Variants in WIPF2 observed in about 807,000 individuals in gnomAD.
WIPF2 encodes the protein WAS/WASL-interacting protein family member 2.
Under a neutral mutation model 38.8 loss-of-function variants are expected in WIPF2, and 23 were observed. That is an observed-to-expected ratio of 0.59 (90% CI 0.43 to 0.84). The LOEUF (loss-of-function observed/expected upper bound fraction) is 0.84, where lower values mean the gene tolerates loss of function less well. WIPF2 is among the 40% of genes least tolerant of loss of function. The pLI, the probability that WIPF2 is intolerant of heterozygous loss-of-function variation, is 0.00. For synonymous variants in WIPF2, 210 were observed against 223.2 expected, an observed-to-expected ratio of 0.94 and a Z score of 0.53; for missense variants, 574 against 580.5, an observed-to-expected ratio of 0.99 and a Z score of 0.11.
At chr17:40,227,627 C>T (rs1006145130) in intron 1 of WIPF2, among the ~76,000 whole-genome samples, 6 of 151,696 alleles carry the variant, frequency 4.0e-5, no homozygotes, top group East Asian at 2.0e-4. Flanking sequence ...CTGAGGCGGG[C>T]GGATCACCTG....
chr17:40,226,877 G>A (rs2030513910), intron 1 of WIPF2, among the ~76,000 whole-genome samples: 1 of 151,868 alleles, frequency 6.6e-6, no homozygotes. Flanking sequence ...GAGTAGCTGA[G>A]ATTACAGGTG....
At chr17:40,237,859 T>C (rs2031037197) in intron 1 of WIPF2, among the ~76,000 whole-genome samples, 1 of 141,866 alleles carries the variant, frequency 7.0e-6, no homozygotes, top group Admixed American at 7.2e-5. Flanking sequence ...TTGGTCACGG[T>C]GGTCTCAAAC....
rs1209277485 is a variant in WIPF2, at chr17:40,264,514, T to C, written c.338T>C (p.Leu113Pro). ...GSENLAGKPA[L>P]QIPSSRAAAP... ...GAGAACCTAGCTGGTAAGCCAGCCC[T>C]GCAAATCCCCAGTTCTCGAGCTGCT... The change falls in exon 5 of 8, where the codon CTG becomes CCG. Residue 113 changes from leucine (L) to proline (P), a missense_variant. Coordinates refer to ENST00000323571, the MANE Select transcript of WIPF2 (RefSeq NM_133264.5). 1 of 1,614,104 alleles carries C rather than the reference T, an allele frequency of 6.2e-7. No homozygotes were observed. Among genetic ancestry groups the C allele is most frequent in the South Asian group, 1.1e-5 (1 of 91,084 alleles).
chr17:40,272,473 C>G (rs1309644186), intron 5 of WIPF2, among the ~76,000 whole-genome samples: 1 of 152,228 alleles, frequency 6.6e-6, no homozygotes, highest in Non-Finnish European at 1.5e-5. Flanking sequence ...GAGACTGTTA[C>G]TGGACATATG....
chr17:40,264,313 C>T (rs1056887548), intron 4 of WIPF2, among the ~76,000 whole-genome samples, 177 bp from the exon 5 acceptor site: 10 of 99,276 alleles, frequency 1.0e-4, no homozygotes, highest in African/African-American at 1.8e-4. Flanking sequence ...GCAACAACAG[C>T]GAAACTTCGT....
intron 1 of WIPF2, among the ~76,000 whole-genome samples, chr17:40,230,214 C>T (rs1384906034): frequency 6.6e-6 from 1 of 152,086 alleles, no homozygotes; most frequent in Non-Finnish European, 1.5e-5. Flanking sequence ...TGATGAGCAC[C>T]CGTGGTTCTA....
At chr17:40,253,215 AC>A (rs1005701021) in intron 1 of WIPF2, among the ~76,000 whole-genome samples, 53 of 151,696 alleles carry the variant, frequency 3.5e-4, no homozygotes, top group African/African-American at 1.2e-3. Context: ...GGTGTCTGCC[AC>A]CACACCCAGC....
chr17:40,271,339 A>G (rs889148965), intron 5 of WIPF2, among the ~76,000 whole-genome samples: 4 of 152,184 alleles, frequency 2.6e-5, no homozygotes, highest in African/African-American at 7.2e-5. Context: ...TTCACATACT[A>G]TTTAGGTCAC....
In WIPF2 at chr17:40,262,585, G is replaced by T. The variant is rs756549259; in HGVS notation, c.257G>T (p.Gly86Val). The T allele has an allele frequency of 5.6e-6, 9 of 1,614,072 alleles. No homozygotes were observed. The African/African-American group carries it at 1.1e-4, about 19-fold the overall frequency. Residue 86 changes from glycine to valine, a missense_variant, in exon 4 of 8, where the codon GGT becomes GTT. Physicochemically the swap from Gly to Val is moderately radical, Grantham distance 109 (BLOSUM62 -3). Coordinates refer to ENST00000323571, the MANE Select transcript of WIPF2 (RefSeq NM_133264.5). ...GGAGCTGCCCTGCAGCCCAAGGGAG[G>T]TCTCTTCCAAGGAGGAGTGCTGAAG... ...SGGAALQPKG[G>V]LFQGGVLKLR...
intron 1 of WIPF2, among the ~76,000 whole-genome samples, chr17:40,248,331 AT>A (rs1170443273): frequency 6.6e-6 from 1 of 151,214 alleles, no homozygotes; most frequent in Non-Finnish European, 1.5e-5. Context: ...TGCCTGGCTA[AT>A]TTTTTTTATA....
rs1371969430 is a variant in WIPF2 at position 40,279,731 on chromosome 17, A to G, written c.*1506A>G. On this transcript the variant is annotated 3_prime_UTR_variant, in exon 8 of 8. Transcript: ENST00000323571. ...GTGTAGAGGGTGCTCAGAGCGTGGC[A>G]TGAGAGCAAGGAGACCATGGCTACT... The G allele has an allele frequency of 6.6e-6, 1 of 152,156 alleles. No homozygotes were observed. The highest frequency in any genetic ancestry group is 1.5e-5 in the Non-Finnish European group (1 of 68,038). The allele number at this position is 152,156 out of a possible 1,614,324, so 9.4% of individuals were successfully genotyped here.
At position 40,219,391 on chromosome 17, in the gene WIPF2, G is replaced by GCGGCGGCGGCGA. The variant is rs1260786215; in HGVS notation, c.-163_-162insGCGACGGCGGCG. 9.5e-6 allele frequency: 4 copies of GCGGCGGCGGCGA among 420,432 alleles called. No homozygotes were observed. Among genetic ancestry groups the GCGGCGGCGGCGA allele is most frequent in the African/African-American group, 2.2e-5 (1 of 44,496 alleles). The allele number at this position is 420,432 out of a possible 1,614,324, so 26.0% of individuals were successfully genotyped here. A position where few individuals can be genotyped will look rare whatever the true frequency, so the allele number is the denominator to read the frequency against. On this transcript the variant is annotated 5_prime_UTR_variant, in exon 1 of 8. Transcript: ENST00000323571. ...GGTGGCGGCGGCGGCGGCGGCGGCG[G>GCGGCGGCGGCGA]CGGCGGCGACGGCGAGAAAGAGCTT...
rs2030062065 is a variant in WIPF2 at position 40,219,372 on chromosome 17, G to GGCA, written c.-188_-187insAGC. On this transcript the variant is annotated 5_prime_UTR_variant, in exon 1 of 8. Coordinates refer to ENST00000323571, the MANE Select transcript of WIPF2 (RefSeq NM_133264.5). Reference sequence around the variant, plus strand: ...CCGGGTTGGCAAAAGGGGCGGTGGCGGCGGCGGCGGCGGCGGCGGCGGCGG... The same window carrying GGCA: ...CCGGGTTGGCAAAAGGGGCGGTGGCGGCAGCGGCGGCGGCGGCGGCGGCGGCGG... 5.0e-6 allele frequency: 2 copies of GGCA among 396,386 alleles called. No individual in the cohort carries two copies. Among genetic ancestry groups the GGCA allele is most frequent in the Non-Finnish European group, 9.4e-6 (2 of 212,430 alleles). 24.6% of individuals were successfully genotyped at this position (396,386 alleles called of 1,614,324 possible). A position where few individuals can be genotyped will look rare whatever the true frequency, so the allele number is the denominator to read the frequency against.
At chr17:40,264,269 T>C (rs2032002817) in intron 4 of WIPF2, among the ~76,000 whole-genome samples, 1 of 128,532 alleles carries the variant, frequency 7.8e-6, no homozygotes, top group East Asian at 2.2e-4. Context: ...GAGGTTGCAG[T>C]GAGCTGAGAT....
intron 1 of WIPF2, among the ~76,000 whole-genome samples, chr17:40,230,413 C>T (rs892501481): frequency 2.7e-5 from 4 of 149,968 alleles, no homozygotes; most frequent in Non-Finnish European, 3.0e-5. Context: ...TTTTTTTTTT[C>T]CTGTCAGTTC....
chr17:40,281,784 G>C lies in WIPF2; in HGVS notation c.*3559G>C, dbSNP rs1269867222. ...GTGCTTATGGGGGTGGGGGAGAAGG[G>C]TGACTCCAGGGTCCTTCCATTTTGT... is the stretch of plus-strand genomic sequence containing the variant. On this transcript the variant is annotated 3_prime_UTR_variant, in exon 8 of 8. Coordinates refer to ENST00000323571, the MANE Select transcript of WIPF2 (RefSeq NM_133264.5). 1 of 152,556 alleles carries C rather than the reference G, an allele frequency of 6.6e-6. No individual in the cohort carries two copies. The highest frequency in any genetic ancestry group is 1.5e-5 in the Non-Finnish European group (1 of 68,094). 9.5% of individuals were successfully genotyped at this position (152,556 alleles called of 1,614,324 possible).
chr17:40,280,542 ACTG>A lies in WIPF2; in HGVS notation c.*2319_*2321del, dbSNP rs2032524137. 6.5e-6 allele frequency: 1 copy of A among 152,698 alleles called. No individual in the cohort carries two copies. Among genetic ancestry groups the A allele is most frequent in the Non-Finnish European group, 1.5e-5 (1 of 68,068 alleles). 9.5% of individuals were successfully genotyped at this position (152,698 alleles called of 1,614,324 possible). On this transcript the variant is annotated 3_prime_UTR_variant, in exon 8 of 8. Coordinates refer to ENST00000323571, the MANE Select transcript of WIPF2 (RefSeq NM_133264.5). ...AAAAGGAGAGAGTACAAGAGTTGAT[ACTG>A]CATCAGAGTTCCAGGGCAGATACTG...
Position 40,278,198 on chromosome 17 carries a change from C to G in WIPF2, c.1296C>G (p.Ala432=). The change falls in exon 8 of 8, where the codon GCC becomes GCG. Residue 432 remains alanine (A), a synonymous_variant. Coordinates refer to ENST00000323571, the MANE Select transcript of WIPF2 (RefSeq NM_133264.5). ...GTTTTTTTTCAGCTGCCCGTGGAGCCCCACCTCTGCCACCCATTCTCAGGT... is the reference window on the plus strand; with the variant it reads ...GTTTTTTTTCAGCTGCCCGTGGAGCGCCACCTCTGCCACCCATTCTCAGGT... ...PSKTNRAARG[A]PPLPPILR is the part of the protein sequence containing the mutation. 1 of 1,613,700 alleles carries G rather than the reference C, an allele frequency of 6.2e-7. No individual in the cohort carries two copies. Among genetic ancestry groups the G allele is most frequent in the Non-Finnish European group, 8.5e-7 (1 of 1,179,898 alleles).
chr17:40,249,229 A>G (rs2031475062), intron 1 of WIPF2, among the ~76,000 whole-genome samples: 1 of 152,156 alleles, frequency 6.6e-6, no homozygotes, highest in Non-Finnish European at 1.5e-5. Context: ...TAAAGGCCCC[A>G]GATTGTAGTG....
Sources: gnomAD v4.1 joint callset for allele counts (sites outside exome capture counted in the v4.1 genomes callset) on GRCh38, gnomAD v4.1.1 for gene constraint, MANE v1.5 for transcripts, NCBI Gene and HGNC (gene_info 2026-07-23, HGNC 2026-07-21) for gene names.